Variants in CHRAC1 observed in about 807,000 individuals in gnomAD.
The protein encoded by CHRAC1 is chromatin accessibility complex protein 1.
In CHRAC1, 6 loss-of-function variants were observed where a neutral mutation model predicts 9.1. The ratio of observed to expected loss-of-function variants is 0.66; its 90% CI spans 0.36 to 1.29. The LOEUF (loss-of-function observed/expected upper bound fraction) is 1.29. CHRAC1 is among the 50% of genes most tolerant of loss of function. The pLI is 0.03. For synonymous variants in CHRAC1, 73 were observed against 64.5 expected (o/e 1.13, Z -0.63); for missense variants, 168 against 163.5 (o/e 1.03, Z -0.15).
chr8:140,512,019 C>G (rs966839808), intron 1 of CHRAC1: 2 of 1,288,562 alleles, frequency 1.6e-6, no homozygotes, highest in African/African-American at 1.5e-5. Context: ...TTCCATTCGG[C>G]AAACCCGTAA....
At chr8:140,512,022 A>G in intron 1 of CHRAC1, 1 of 1,287,572 alleles carries the variant, frequency 7.8e-7, no homozygotes, top group African/African-American at 1.5e-5. Context: ...CATTCGGCAA[A>G]CCCGTAAGCT....
At chr8:140,511,956 G>C (rs981431407) in intron 1 of CHRAC1, 6 of 1,241,344 alleles carry the variant, frequency 4.8e-6, no homozygotes, top group Non-Finnish European at 5.2e-6. Flanking sequence ...CCTTCCTTCC[G>C]TGCGCACCTT....
chr8:140,514,181 C>CA, intron 1 of CHRAC1, 188 bp from the exon 2 acceptor site: 3 of 505,330 alleles, frequency 5.9e-6, no homozygotes, highest in Non-Finnish European at 9.7e-6. Context: ...GTTAGTATTA[C>CA]CAGCGTGAGC....
chr8:140,511,936 TCCGC>T, intron 1 of CHRAC1: 1 of 1,243,124 alleles, frequency 8.0e-7, no homozygotes, highest in Non-Finnish European at 1.1e-6. Flanking sequence ...CTTCCTTCGC[TCCGC>T]CCGCCCCTTC....
At chr8:140,511,810 G>A (rs2072278246) in intron 1 of CHRAC1, 164 bp downstream of exon 1, 4 of 776,254 alleles carry the variant, frequency 5.2e-6, no homozygotes, top group South Asian at 1.5e-5. Flanking sequence ...GCGCTTCGGT[G>A]CCCGCGCGCC....
chr8:140,512,903 G>A (rs949183102), intron 1 of CHRAC1, among the ~76,000 whole-genome samples: 1 of 152,124 alleles, frequency 6.6e-6, no homozygotes, highest in African/African-American at 2.4e-5. Flanking sequence ...TGCAACCTCT[G>A]CCTCGCGGGT....
intron 1 of CHRAC1, among the ~76,000 whole-genome samples, chr8:140,513,098 G>A (rs575435707): frequency 5.5e-4 from 84 of 152,246 alleles, no homozygotes; most frequent in Admixed American, 1.8e-3. Context: ...GATTACAGGC[G>A]TGAACCATCA....
rs1371892355 is a variant in CHRAC1 at position 140,515,300 on chromosome 8, A to G, written c.*53A>G. ...GCGAGGACAGCCCTGGACCCACTCCACTGTCTCTAAGTAAACACAGCACTG... is the reference window on the plus strand; with the variant it reads ...GCGAGGACAGCCCTGGACCCACTCCGCTGTCTCTAAGTAAACACAGCACTG... On this transcript the variant is annotated 3_prime_UTR_variant, in exon 3 of 3. Coordinates refer to ENST00000220913, the MANE Select transcript of CHRAC1 (RefSeq NM_017444.6). 2 of 1,588,182 alleles carry G rather than the reference A, an allele frequency of 1.3e-6. No individual in the cohort carries two copies. The highest frequency in any genetic ancestry group is 1.4e-5 in the African/African-American group (1 of 73,732).
chr8:140,512,442 A>G (rs1588416928), intron 1 of CHRAC1, among the ~76,000 whole-genome samples: 1 of 152,240 alleles, frequency 6.6e-6, no homozygotes, highest in South Asian at 2.1e-4. Context: ...TAAGTTTTAC[A>G]GCCTGCTTAG....
Position 140,511,878 on chromosome 8 carries a change from CCA to C in CHRAC1, c.147+233_147+234del, listed in dbSNP as rs548961710. On this transcript the variant is annotated intron_variant, in intron 1 of 2. Transcript: ENST00000220913. The stretch of plus-strand genomic sequence containing the variant: ...ACCCCTCGCCGCTCCCTCACGTTCT[CCA>C]GTTTCTTCGCCTCGCCTACCGCGCG... 1,477 of 812,392 alleles carry C rather than the reference CCA, an allele frequency of 1.8e-3. 4 individuals are homozygous for C. Among genetic ancestry groups the C allele is most frequent in the Non-Finnish European group, 2.3e-3 (1,248 of 535,040 alleles). The allele number at this position is 812,392 out of a possible 1,614,324, so 50.3% of individuals were successfully genotyped here. A position where few individuals can be genotyped will look rare whatever the true frequency, so the allele number is the denominator to read the frequency against.
At chr8:140,514,666 G>T (rs981994010) in intron 2 of CHRAC1, 171 bp downstream of exon 2, 3 of 522,704 alleles carry the variant, frequency 5.7e-6, no homozygotes, top group Non-Finnish European at 9.8e-6. Flanking sequence ...TTCTCTGTTT[G>T]AATGTGTTTG....
At chr8:140,515,037 A>C in intron 2 of CHRAC1, 89 bp from the exon 3 acceptor site, 1 of 1,319,104 alleles carries the variant, frequency 7.6e-7, no homozygotes, top group Non-Finnish European at 1.1e-6. Context: ...TATAGAGGTC[A>C]AAGCAGGAAC....
chr8:140,516,592 C>A lies in CHRAC1; in HGVS notation c.*1345C>A, dbSNP rs889359540. ...GGACAGTTCTGCCACCCAGGACATT[C>A]CCCTCTGTTCCTCTGTTCCTCTCTT... On this transcript the variant is annotated 3_prime_UTR_variant, in exon 3 of 3. Transcript: ENST00000220913. 11 of 152,196 alleles carry A rather than the reference C, an allele frequency of 7.2e-5. No homozygotes were observed. Among genetic ancestry groups the A allele is most frequent in the African/African-American group, 2.4e-4 (10 of 41,434 alleles). 9.4% of individuals were successfully genotyped at this position (152,196 alleles called of 1,614,324 possible).
rs1289310664 is a variant in CHRAC1 at position 140,515,734 on chromosome 8, G to GAT, written c.*490_*491dup. On this transcript the variant is annotated 3_prime_UTR_variant, in exon 3 of 3. Coordinates refer to ENST00000220913, the MANE Select transcript of CHRAC1 (RefSeq NM_017444.6). ...TGTCTTAAGAAAAGTTGACTGTTCA[G>GAT]ATATTTTTCTACTGTAAAGAAATAT... is the stretch of plus-strand genomic sequence containing the variant. 6.6e-6 allele frequency: 1 copy of GAT among 152,568 alleles called. No individual in the cohort carries two copies. Among genetic ancestry groups the GAT allele is most frequent in the Non-Finnish European group, 1.5e-5 (1 of 68,370 alleles). 9.5% of individuals were successfully genotyped at this position (152,568 alleles called of 1,614,324 possible). A position where few individuals can be genotyped will look rare whatever the true frequency, so the allele number is the denominator to read the frequency against.
At chr8:140,511,702 C>T (rs972761200) in intron 1 of CHRAC1, 56 bp downstream of exon 1, 2 of 1,272,934 alleles carry the variant, frequency 1.6e-6, no homozygotes. Flanking sequence ...CCCGCCCCGC[C>T]GGGCTCTGGG....
Position 140,514,588 on chromosome 8 carries a change from T to G in CHRAC1, c.274+93T>G. 4 of 1,141,488 alleles carry G rather than the reference T, an allele frequency of 3.5e-6. No homozygotes were observed. In the South Asian group the frequency reaches 7.1e-5, roughly 20 times the overall value. The allele number at this position is 1,141,488 out of a possible 1,614,324, so 70.7% of individuals were successfully genotyped here. ...GCCTCCCTTCTGCTCTCACGGAAAA[T>G]TAGACTTTTTGCTACTTTTTCCAAG... On this transcript the variant is annotated intron_variant, in intron 2 of 2. Coordinates refer to ENST00000220913, the MANE Select transcript of CHRAC1 (RefSeq NM_017444.6).
intron 2 of CHRAC1, 140 bp from the exon 3 acceptor site, chr8:140,514,986 C>G: frequency 1.2e-6 from 1 of 810,302 alleles, no homozygotes; most frequent in Non-Finnish European, 2.0e-6. Flanking sequence ...GATATTTTAC[C>G]CAGAAATGCA....
chr8:140,514,994 G>T lies in CHRAC1; in HGVS notation c.275-132G>T, dbSNP rs939781267. ...TTTCTTTGATATTTTACCCAGAAAT[G>T]CAGCCTGAATTTCATCTTGTTTTGG... On this transcript the variant is annotated intron_variant, in intron 2 of 2. Transcript: ENST00000220913. 10 of 860,942 alleles carry T rather than the reference G, an allele frequency of 1.2e-5. No individual in the cohort carries two copies. The Admixed American group carries it at 2.3e-4, about 20-fold the overall frequency. The allele number at this position is 860,942 out of a possible 1,614,324, so 53.3% of individuals were successfully genotyped here.
chr8:140,514,350 AT>A lies in CHRAC1; in HGVS notation c.148-14del, dbSNP rs1278684036. 4 of 1,565,714 alleles carry A rather than the reference AT, an allele frequency of 2.6e-6. No homozygotes were observed. The highest frequency in any genetic ancestry group is 4.6e-5 in the East Asian group (2 of 43,120). Reference sequence around the variant, plus strand: ...TTTTCAAAGCACACCTTTCATTTGCATTTTTCATTTTGTTCTAGGAGCTCTT... The same window carrying A: ...TTTTCAAAGCACACCTTTCATTTGCATTTTCATTTTGTTCTAGGAGCTCTT... On this transcript the variant is annotated intron_variant, in intron 1 of 2. Coordinates refer to ENST00000220913, the MANE Select transcript of CHRAC1 (RefSeq NM_017444.6).
Sources: allele counts gnomAD v4.1 joint callset (sites outside exome capture counted in the v4.1 genomes callset), GRCh38; gene constraint gnomAD v4.1.1; transcripts MANE v1.5; gene names NCBI Gene and HGNC (gene_info 2026-07-23, HGNC 2026-07-21).